Variants in PRKCE observed in about 807,000 individuals in gnomAD.
The protein encoded by PRKCE is protein kinase C epsilon.
A neutral mutation model predicts 85.4 loss-of-function variants in PRKCE; 16 were observed. That is an observed-to-expected ratio of 0.19 (90% confidence interval 0.13 to 0.28). The LOEUF (loss-of-function observed/expected upper bound fraction) is 0.28. Ranked by LOEUF, PRKCE falls within the 10% of genes least tolerant of loss-of-function variation. PRKCE has a pLI of 1.00. For missense variants in PRKCE, 573 were observed against 975.2 expected (o/e 0.59, Z 5.49); for synonymous variants, 388 against 371.5 (o/e 1.04, Z -0.51).
At chr2:45,677,759 G>C in intron 1 of PRKCE, 1 of 604,224 alleles carries the variant, frequency 1.7e-6, no homozygotes. Context: ...GCTTGTGGTC[G>C]GGTGTTATTT....
At chr2:45,757,429 G>T (rs1485861053) in intron 1 of PRKCE, among the ~76,000 whole-genome samples, 1 of 151,982 alleles carries the variant, frequency 6.6e-6, no homozygotes, top group Non-Finnish European at 1.5e-5. Context: ...TACTTTTGGA[G>T]GCCAAGGCAG....
At chr2:46,174,603 C>T (rs559164048) in intron 14 of PRKCE, among the ~76,000 whole-genome samples, 2 of 152,224 alleles carry the variant, frequency 1.3e-5, no homozygotes, top group East Asian at 3.9e-4. Flanking sequence ...CCCGGTGCGC[C>T]CAGGCTCCCC....
At chr2:46,016,855 G>A (rs1574238450) in intron 10 of PRKCE, among the ~76,000 whole-genome samples, 2 of 150,640 alleles carry the variant, frequency 1.3e-5, no homozygotes. Context: ...GTTGCAGTGA[G>A]CCGAGATCGT....
chr2:45,708,360 C>A (rs1679301799), intron 1 of PRKCE, among the ~76,000 whole-genome samples: 1 of 152,112 alleles, frequency 6.6e-6, no homozygotes, highest in East Asian at 1.9e-4. Flanking sequence ...GTGTCCCCAC[C>A]CAAATCTCAT....
chr2:46,102,400 C>G (rs1671328683), intron 11 of PRKCE, among the ~76,000 whole-genome samples: 1 of 152,082 alleles, frequency 6.6e-6, no homozygotes, highest in South Asian at 2.1e-4. Flanking sequence ...TTTAAATAAA[C>G]TTTTTGTTTT....
intron 10 of PRKCE, among the ~76,000 whole-genome samples, chr2:46,071,795 A>C (rs1410759586): frequency 6.6e-6 from 1 of 152,160 alleles, no homozygotes; most frequent in African/African-American, 2.4e-5. Flanking sequence ...CAAAGCTTCC[A>C]CCCAGTCCTG....
chr2:45,908,204 T>C (rs559189878), intron 2 of PRKCE, among the ~76,000 whole-genome samples: 3 of 152,228 alleles, frequency 2.0e-5, no homozygotes, highest in African/African-American at 7.2e-5. Context: ...AGTTTCCCAG[T>C]CTCATCATTG....
At chr2:45,769,097 C>G (rs1041313703) in intron 1 of PRKCE, among the ~76,000 whole-genome samples, 13 of 152,144 alleles carry the variant, frequency 8.5e-5, no homozygotes, top group African/African-American at 2.9e-4. Context: ...ACAATCAATC[C>G]AAATTTAAAA....
intron 10 of PRKCE, among the ~76,000 whole-genome samples, chr2:46,083,986 G>T (rs1382539084): frequency 6.6e-6 from 1 of 152,200 alleles, no homozygotes; most frequent in East Asian, 1.9e-4. Flanking sequence ...ACTAAGGCCA[G>T]GCCCCCACCC....
intron 1 of PRKCE, among the ~76,000 whole-genome samples, chr2:45,723,601 CTTTTG>C (rs10642067): frequency 2.0e-5 from 3 of 151,712 alleles, no homozygotes; most frequent in Non-Finnish European, 4.4e-5. Flanking sequence ...AATACATGTT[CTTTTG>C]TTTTGTTTTG....
intron 11 of PRKCE, among the ~76,000 whole-genome samples, chr2:46,115,283 G>A (rs1349080): frequency 0.41 from 61,624 of 152,120 alleles, 14,126 homozygotes; most frequent in East Asian, 0.53. Context: ...ACATTCTCAG[G>A]CATTGCTGTC....
chr2:46,153,661 G>C (rs1449158743), intron 13 of PRKCE, among the ~76,000 whole-genome samples: 1 of 152,302 alleles, frequency 6.6e-6, no homozygotes, highest in East Asian at 1.9e-4. Context: ...AACCCAAAAG[G>C]AGCTCAGGGA....
In PRKCE at chr2:46,089,339, G is replaced by A. The variant is rs568122070; in HGVS notation, c.1592+2977G>A. Among the ~76,000 whole-genome samples the A allele has an allele frequency of 1.2e-4, 19 of 152,148 alleles. No individual in the cohort carries two copies. The South Asian group carries it at 3.3e-3, about 27-fold the overall frequency. On this transcript the variant is annotated intron_variant, in intron 11 of 14. Transcript: ENST00000306156. ...CAGAGCCCCACACAAGATCTCTTCC[G>A]TTAAACCTCTCCCCATCAATGTTGG...
At chr2:46,166,114 T>G (rs1678314639) in intron 14 of PRKCE, among the ~76,000 whole-genome samples, 1 of 152,218 alleles carries the variant, frequency 6.6e-6, no homozygotes, top group South Asian at 2.1e-4. Context: ...CTCTCCTGCA[T>G]GCTCCTGCAT....
intron 11 of PRKCE, among the ~76,000 whole-genome samples, chr2:46,141,474 A>T (rs1186698124): frequency 6.6e-6 from 1 of 152,222 alleles, no homozygotes; most frequent in Non-Finnish European, 1.5e-5. Context: ...GAATAAAAAG[A>T]AATCGCCTGT....
chr2:46,134,511 C>T (rs1403672751), intron 11 of PRKCE, among the ~76,000 whole-genome samples: 8 of 152,182 alleles, frequency 5.3e-5, no homozygotes, highest in African/African-American at 1.7e-4. Flanking sequence ...ATTTACATTT[C>T]GTGTAAAAAT....
chr2:45,785,917 G>C (rs1329134116), intron 1 of PRKCE, among the ~76,000 whole-genome samples: 1 of 152,192 alleles, frequency 6.6e-6, no homozygotes, highest in Non-Finnish European at 1.5e-5. Flanking sequence ...GATGGAGACA[G>C]CAGGGATGGC....
At chr2:45,868,353 C>T (rs890116129) in intron 2 of PRKCE, among the ~76,000 whole-genome samples, 1 of 135,774 alleles carries the variant, frequency 7.4e-6, no homozygotes, top group African/African-American at 2.7e-5. Flanking sequence ...CTTTTTAGGG[C>T]AGTTAGTCCA....
chr2:45,956,670 G>C (rs894780924), intron 2 of PRKCE, among the ~76,000 whole-genome samples: 1 of 152,126 alleles, frequency 6.6e-6, no homozygotes, highest in African/African-American at 2.4e-5. Flanking sequence ...GGGCAACAGA[G>C]CGAGACTCGG....
Sources: gnomAD v4.1 joint callset for allele counts (sites outside exome capture counted in the v4.1 genomes callset) on GRCh38, gnomAD v4.1.1 for gene constraint, MANE v1.5 for transcripts, NCBI Gene and HGNC (gene_info 2026-07-23, HGNC 2026-07-21) for gene names.